ITGB3BP: variants seen among roughly 807,000 people sequenced by gnomAD.
The protein encoded by ITGB3BP is centromere protein R.
ITGB3BP carries 27 observed loss-of-function variants against 29.1 expected under a neutral mutation model. The observed-to-expected ratio is 0.93, with a 90% CI of 0.68 to 1.28. ITGB3BP has a LOEUF of 1.28. Ranked by LOEUF, ITGB3BP falls within the 50% of genes most tolerant of loss-of-function variation. The pLI is 0.00. For missense variants in ITGB3BP, 192 were observed against 200.2 expected, an observed-to-expected ratio of 0.96 and a Z score of 0.25; for synonymous variants, 61 against 61.4, an observed-to-expected ratio of 0.99 and a Z score of 0.03.
At chr1:63,516,366 AG>A (rs71052487) in intron 1 of ITGB3BP, among the ~76,000 whole-genome samples, 27,787 of 66,216 alleles carry the variant, frequency 0.42, 4,354 homozygotes, top group Non-Finnish European at 0.47. Context: ...GTGGGGGAGA[AG>A]GGGGGGGGAA....
At position 63,446,640 on chromosome 1, in the gene ITGB3BP, G is replaced by C. The variant is rs531334177; in HGVS notation, c.*1+166C>G. On this transcript the variant is annotated intron_variant, in intron 8 of 8. Coordinates refer to ENST00000271002, the MANE Select transcript of ITGB3BP (RefSeq NM_014288.5). ...TGATGTCAGATGCCCTCCTGTTGTT[G>C]ATAAGACTAGATTAATATAAGTTCA... 1.0e-3 allele frequency: 618 copies of C among 595,606 alleles called. 2 individuals carry two copies. The highest frequency in any genetic ancestry group is 3.3e-3 in the South Asian group (143 of 43,638). 36.9% of individuals were successfully genotyped at this position (595,606 alleles called of 1,614,324 possible). A position where few individuals can be genotyped will look rare whatever the true frequency, so the allele number is the denominator to read the frequency against.
At position 63,440,992 on chromosome 1, in the gene ITGB3BP, A is replaced by G. The variant is rs968315881; in HGVS notation, c.*113T>C. 9 of 152,668 alleles carry G rather than the reference A, an allele frequency of 5.9e-5. No homozygotes were observed. The highest frequency in any genetic ancestry group is 1.9e-4 in the African/African-American group (8 of 41,464). The allele number at this position is 152,668 out of a possible 1,614,324, so 9.5% of individuals were successfully genotyped here. The stretch of plus-strand genomic sequence containing the variant: ...TCTAGACATGCACCTGCCAACTGCT[A>G]CGAGCTGGTATTTACTGGGCAGATT... On this transcript the variant is annotated 3_prime_UTR_variant, in exon 9 of 9. Coordinates refer to ENST00000271002, the MANE Select transcript of ITGB3BP (RefSeq NM_014288.5).
chr1:63,513,508 C>T (rs924426466), intron 1 of ITGB3BP, among the ~76,000 whole-genome samples: 1 of 152,140 alleles, frequency 6.6e-6, no homozygotes, highest in Non-Finnish European at 1.5e-5. Flanking sequence ...TGAGACCTAG[C>T]TCTTTTTAGT....
upstream of ITGB3BP, among the ~76,000 whole-genome samples, chr1:63,525,127 C>T (rs17391879): frequency 0.013 from 2,013 of 152,172 alleles, 15 homozygotes; most frequent in Non-Finnish European, 0.02. Context: ...ACGTGTCAAG[C>T]AATATTGTAT....
intron 1 of ITGB3BP, among the ~76,000 whole-genome samples, chr1:63,516,296 C>CA (rs57797064): frequency 7.3e-4 from 18 of 24,758 alleles, no homozygotes; most frequent in South Asian, 3.1e-3. Context: ...GACCATGTCT[C>CA]AAAAAAAAAA....
At position 63,478,746 on chromosome 1, in the gene ITGB3BP, C is replaced by A; in HGVS notation, c.254+18G>T. 2 of 1,243,954 alleles carry A rather than the reference C, an allele frequency of 1.6e-6. No homozygotes were observed. The highest frequency in any genetic ancestry group is 2.8e-5 in the South Asian group (2 of 71,128). The allele number at this position is 1,243,954 out of a possible 1,614,324, so 77.1% of individuals were successfully genotyped here. A position where few individuals can be genotyped will look rare whatever the true frequency, so the allele number is the denominator to read the frequency against. The stretch of plus-strand genomic sequence containing the variant: ...TCTGCAAGATACACATATATAATTT[C>A]AAAAATAACAAACTTACTCATCATT... On this transcript the variant is annotated intron_variant, in intron 4 of 8. Coordinates refer to ENST00000271002, the MANE Select transcript of ITGB3BP (RefSeq NM_014288.5).
chr1:63,448,453 CCCT>C (rs1438347141), intron 7 of ITGB3BP, among the ~76,000 whole-genome samples: 1 of 151,952 alleles, frequency 6.6e-6, no homozygotes, highest in Non-Finnish European at 1.5e-5. Context: ...AAAATGACTA[CCCT>C]CCTCTTATCT....
At chr1:63,490,641 A>T (rs933816783) in intron 2 of ITGB3BP, among the ~76,000 whole-genome samples, 1 of 152,146 alleles carries the variant, frequency 6.6e-6, no homozygotes, top group Non-Finnish European at 1.5e-5. Flanking sequence ...CTGCTGTCCT[A>T]CAGCTTCACA....
At chr1:63,522,229 A>G (rs951899621) in intron 1 of ITGB3BP, among the ~76,000 whole-genome samples, 1 of 152,258 alleles carries the variant, frequency 6.6e-6, no homozygotes, top group Non-Finnish European at 1.5e-5. Context: ...GTAATTCAAG[A>G]TTCAATAAAT....
chr1:63,446,304 C>T (rs1644789988), intron 8 of ITGB3BP, among the ~76,000 whole-genome samples: 1 of 152,168 alleles, frequency 6.6e-6, no homozygotes, highest in Non-Finnish European at 1.5e-5. Flanking sequence ...TATTTATAAA[C>T]ACATCATTTT....
upstream of ITGB3BP, chr1:63,525,430 T>A (rs1646571642): frequency 1.7e-6 from 1 of 581,936 alleles, no homozygotes; most frequent in East Asian, 3.4e-5. Context: ...AAACTTTTAA[T>A]ATCTTGATCT....
At chr1:63,524,824 C>T (rs1361219486), upstream of ITGB3BP, among the ~76,000 whole-genome samples, 2 of 152,276 alleles carry the variant, frequency 1.3e-5, no homozygotes, top group South Asian at 2.1e-4. Context: ...AAATACCTGA[C>T]CGCTGTAATA....
At chr1:63,451,681 T>G (rs1449879965) in intron 7 of ITGB3BP, 1 of 151,508 alleles carries the variant, frequency 6.6e-6, no homozygotes, top group African/African-American at 2.4e-5. Context: ...GAGAAAGAGG[T>G]AGGAAAAGCA....
intron 2 of ITGB3BP, among the ~76,000 whole-genome samples, chr1:63,503,200 T>G (rs376843521): frequency 6.6e-6 from 1 of 152,210 alleles, no homozygotes; most frequent in East Asian, 1.9e-4. Context: ...TTTTAATGAT[T>G]GCCATTCTAA....
intron 1 of ITGB3BP, among the ~76,000 whole-genome samples, chr1:63,517,874 G>C (rs1002448525): frequency 2.6e-5 from 4 of 151,824 alleles, no homozygotes; most frequent in African/African-American, 9.7e-5. Flanking sequence ...GGCACGTAAC[G>C]TCACACCTTG....
intron 1 of ITGB3BP, 191 bp downstream of exon 1, chr1:63,522,938 A>G: frequency 1.3e-6 from 1 of 778,026 alleles, no homozygotes; most frequent in Non-Finnish European, 2.4e-6. Context: ...GCGAAGGAGG[A>G]CTATCGTATG....
chr1:63,460,143 A>C (rs1218650849), intron 4 of ITGB3BP, among the ~76,000 whole-genome samples: 2 of 152,274 alleles, frequency 1.3e-5, no homozygotes, highest in African/African-American at 4.8e-5. Flanking sequence ...TTATTGTGAT[A>C]AACTATATAC....
In ITGB3BP at chr1:63,463,954, T is replaced by C. The variant is rs185619019; in HGVS notation, c.255-8986A>G. 3.9e-4 allele frequency among the ~76,000 whole-genome samples: 59 copies of C among 151,966 alleles called. No individual in the cohort carries two copies. In the East Asian group the frequency reaches 8.3e-3, roughly 21 times the overall value. ...CATATGGTGTGCCACCTTATCTGTATAAAAAAATAAGAAAAAATAAATGAA... is the reference window on the plus strand; with the variant it reads ...CATATGGTGTGCCACCTTATCTGTACAAAAAAATAAGAAAAAATAAATGAA... On this transcript the variant is annotated intron_variant, in intron 4 of 8. Coordinates refer to ENST00000271002, the MANE Select transcript of ITGB3BP (RefSeq NM_014288.5).
At chr1:63,468,943 C>T (rs540075703) in intron 4 of ITGB3BP, among the ~76,000 whole-genome samples, 3 of 151,722 alleles carry the variant, frequency 2.0e-5, no homozygotes, top group South Asian at 4.2e-4. Flanking sequence ...CCCAGCTACT[C>T]GGGAGCCTGA....
Sources: allele counts gnomAD v4.1 joint callset (sites outside exome capture counted in the v4.1 genomes callset), GRCh38; gene constraint gnomAD v4.1.1; transcripts MANE v1.5; gene names NCBI Gene and HGNC (gene_info 2026-07-23, HGNC 2026-07-21).